GLMN: variants seen among roughly 807,000 people sequenced by gnomAD.
The protein encoded by GLMN is glomulin, FKBP associated protein, also known as glomulin.
GLMN carries 75 observed loss-of-function variants against 87.8 expected under a neutral mutation model. The ratio of observed to expected loss-of-function variants is 0.85; its 90% confidence interval spans 0.71 to 1.04. GLMN has a LOEUF of 1.04. GLMN is among the 50% of genes least tolerant of loss of function. The pLI, the probability that GLMN is intolerant of heterozygous loss-of-function variation, is 0.00. For synonymous variants in GLMN, 206 were observed against 221.6 expected, an observed-to-expected ratio of 0.93 and a Z score of 0.63; for missense variants, 588 against 658.8, an observed-to-expected ratio of 0.89 and a Z score of 1.18.
chr1:92,339,005 A>C, the GLMN span, among the ~76,000 whole-genome samples: 1 of 152,206 alleles, frequency 6.6e-6, no homozygotes, highest in Non-Finnish European at 1.5e-5. Context: ...TATGCTGTAC[A>C]TATCAGAAAA....
intron 8 of GLMN, among the ~76,000 whole-genome samples, chr1:92,270,492 A>C (rs1411885055): frequency 1.3e-5 from 2 of 152,164 alleles, no homozygotes; most frequent in Non-Finnish European, 2.9e-5. Flanking sequence ...TTATTAGCAT[A>C]ATGTTTCATA....
the GLMN span, among the ~76,000 whole-genome samples, chr1:92,318,632 A>C: frequency 6.6e-6 from 1 of 152,166 alleles, no homozygotes; most frequent in African/African-American, 2.4e-5. Flanking sequence ...TATTTTCTTC[A>C]TATGGGCTCT....
intron 16 of GLMN, among the ~76,000 whole-genome samples, chr1:92,253,618 C>T (rs1486861629): frequency 3.3e-5 from 5 of 152,128 alleles, no homozygotes; most frequent in African/African-American, 4.8e-5. Context: ...TGGTGATACC[C>T]GGGCAAACAG....
At chr1:92,258,389 A>C (rs1654536290) in intron 16 of GLMN, among the ~76,000 whole-genome samples, 3 of 152,198 alleles carry the variant, frequency 2.0e-5, no homozygotes, top group Admixed American at 6.6e-5. Flanking sequence ...TTGACCCAGC[A>C]ATCCCATTAC....
chr1:92,355,230 C>T, the GLMN span, among the ~76,000 whole-genome samples: 3 of 152,012 alleles, frequency 2.0e-5, no homozygotes, highest in African/African-American at 7.3e-5. Context: ...ATACAAGGGT[C>T]TCTTGAAACC....
chr1:92,261,476 C>T (rs1294394468), intron 16 of GLMN, among the ~76,000 whole-genome samples: 2 of 151,826 alleles, frequency 1.3e-5, no homozygotes, highest in African/African-American at 4.9e-5. Flanking sequence ...ACGAGACGCT[C>T]TCTGAAGAAT....
chr1:92,271,712 G>A (rs148954047), intron 7 of GLMN, 60 bp from the exon 8 acceptor site: 86 of 1,143,902 alleles, frequency 7.5e-5, no homozygotes, highest in Middle Eastern at 1.9e-4. Flanking sequence ...CCCCCACCCC[G>A]TGTATTCAAA....
chr1:92,324,732 G>C, the GLMN span, among the ~76,000 whole-genome samples: 1 of 151,962 alleles, frequency 6.6e-6, no homozygotes, highest in Admixed American at 6.6e-5. Context: ...CATGGGGTCT[G>C]TGTGTGTGTG....
At chr1:92,364,939 G>T in the GLMN span, among the ~76,000 whole-genome samples, 1 of 152,092 alleles carries the variant, frequency 6.6e-6, no homozygotes, top group Non-Finnish European at 1.5e-5. Context: ...GAAATTCAAG[G>T]CCCTTCAGAA....
At chr1:92,286,093 T>C (rs924524917) in intron 7 of GLMN, among the ~76,000 whole-genome samples, 1 of 151,844 alleles carries the variant, frequency 6.6e-6, no homozygotes. Context: ...AATGGAAAAT[T>C]AGAAACAATC....
intron 7 of GLMN, among the ~76,000 whole-genome samples, chr1:92,282,342 A>C (rs1241907164): frequency 3.3e-5 from 5 of 152,338 alleles, no homozygotes; most frequent in African/African-American, 1.2e-4. Flanking sequence ...GCACAACTAC[A>C]TGGAAACTGA....
chr1:92,269,035 C>T (rs1205033419), intron 9 of GLMN, among the ~76,000 whole-genome samples: 1 of 151,604 alleles, frequency 6.6e-6, no homozygotes, highest in African/African-American at 2.4e-5. Flanking sequence ...TCTTTCACCT[C>T]AACCTCCCAA....
intron 3 of GLMN, 101 bp from the exon 4 acceptor site, chr1:92,291,638 G>C (rs1649425231): frequency 1.7e-6 from 2 of 1,171,500 alleles, no homozygotes. Flanking sequence ...TCTGAAATAG[G>C]AAGATGAGAC....
chr1:92,369,673 G>A, the GLMN span, among the ~76,000 whole-genome samples: 15 of 152,226 alleles, frequency 9.9e-5, no homozygotes, highest in East Asian at 3.9e-4. Context: ...CTTTCATTGT[G>A]TATTGGGGTA....
the GLMN span, among the ~76,000 whole-genome samples, chr1:92,361,114 CACATAT>C: frequency 1.6e-5 from 1 of 62,156 alleles, no homozygotes; most frequent in East Asian, 1.1e-3. Flanking sequence ...CACACACACA[CACATAT>C]ATATATATAT....
chr1:92,336,343 T>C, the GLMN span: 1 of 1,598,942 alleles, frequency 6.3e-7, no homozygotes, highest in Non-Finnish European at 8.5e-7. Context: ...TTTTAAATTT[T>C]CAGGTTGCCT....
the GLMN span, among the ~76,000 whole-genome samples, chr1:92,315,462 A>G: frequency 6.6e-6 from 1 of 152,254 alleles, no homozygotes; most frequent in African/African-American, 2.4e-5. Flanking sequence ...TGGTGCTGAC[A>G]GACTGGCAGA....
chr1:92,312,665 A>T, the GLMN span, among the ~76,000 whole-genome samples: 1 of 152,150 alleles, frequency 6.6e-6, no homozygotes, highest in Non-Finnish European at 1.5e-5. Context: ...TCTAATTCTT[A>T]TCTTGCTATT....
intron 16 of GLMN, among the ~76,000 whole-genome samples, chr1:92,248,687 C>G (rs951238250): frequency 6.6e-5 from 10 of 152,130 alleles, no homozygotes; most frequent in African/African-American, 2.4e-4. Flanking sequence ...TTATTCTTAA[C>G]TAGAATAATG....
Sources: allele counts gnomAD v4.1 joint callset (sites outside exome capture counted in the v4.1 genomes callset), GRCh38; gene constraint gnomAD v4.1.1; transcripts MANE v1.5; gene names NCBI Gene and HGNC (gene_info 2026-07-23, HGNC 2026-07-21).